Variants in CLCN5 observed in about 807,000 individuals in gnomAD.
The protein encoded by CLCN5 is H(+)/Cl(-) exchange transporter 5.
A neutral mutation model predicts 54.0 loss-of-function variants in CLCN5; 17 were observed. That is an observed-to-expected ratio of 0.31 (90% CI 0.22 to 0.47). The LOEUF is 0.47. Among genes scored for constraint, CLCN5 ranks in the 20% least tolerant of loss-of-function variants. The pLI, the probability that CLCN5 is intolerant of heterozygous loss-of-function variation, is 1.00. For missense variants in CLCN5, 448 were observed against 646.7 expected (o/e 0.69, Z 3.33); for synonymous variants, 222 against 233.0 (o/e 0.95, Z 0.43).
intron 3 of CLCN5, among the ~76,000 whole-genome samples, chrX:50,002,582 C>A (rs1329276988): frequency 9.0e-6 from 1 of 111,206 alleles, no homozygotes; most frequent in Non-Finnish European, 1.9e-5. Context: ...CCACACTAAT[C>A]CAGCTTTTCC....
chrX:50,075,060 G>GTA (rs1485094680), intron 6 of CLCN5, among the ~76,000 whole-genome samples: 2 of 111,868 alleles, frequency 1.8e-5, no homozygotes, highest in African/African-American at 6.5e-5. Context: ...AATGTTCTGT[G>GTA]TATAATACTG....
intron 3 of CLCN5, 114 bp from the exon 4 acceptor site, chrX:50,042,202 A>G: frequency 3.0e-6 from 1 of 334,461 alleles, no homozygotes; most frequent in Non-Finnish European, 5.3e-6. Flanking sequence ...TGCACATAGT[A>G]AGTGTACTCA....
At chrX:50,042,668 C>T (rs1422002196) in intron 4 of CLCN5, 5 of 268,094 alleles carry the variant, frequency 1.9e-5, no homozygotes, top group African/African-American at 2.8e-5. Context: ...TGCAGTCAGA[C>T]CTCCTTCCTC....
chrX:50,005,782 G>A (rs1557181328), intron 3 of CLCN5, among the ~76,000 whole-genome samples: 2 of 111,198 alleles, frequency 1.8e-5, no homozygotes, highest in African/African-American at 6.5e-5. Flanking sequence ...TGAAAAAAAT[G>A]TACAAAGCTC....
At chrX:50,070,608 T>C (rs1933187792) in intron 5 of CLCN5, among the ~76,000 whole-genome samples, 1 of 112,373 alleles carries the variant, frequency 8.9e-6, no homozygotes. Context: ...CTTGTGATTA[T>C]TGATCTTGTA....
chrX:49,959,520 G>A (rs1178885710), intron 3 of CLCN5, among the ~76,000 whole-genome samples: 1 of 111,193 alleles, frequency 9.0e-6, no homozygotes, highest in Non-Finnish European at 1.9e-5. Context: ...TTTTTTTCCA[G>A]AACTCTTTCC....
intron 14 of CLCN5, among the ~76,000 whole-genome samples, 191 bp downstream of exon 14, chrX:50,091,077 CAT>C (rs1352065880): frequency 9.0e-6 from 1 of 111,698 alleles, no homozygotes; most frequent in Non-Finnish European, 1.9e-5. Flanking sequence ...TGGGAAAGAA[CAT>C]GTGTTTGAGA....
At chrX:50,034,246 G>T (rs1001453200) in intron 3 of CLCN5, among the ~76,000 whole-genome samples, 1 of 112,328 alleles carries the variant, frequency 8.9e-6, no homozygotes. Context: ...CAGTAACTCT[G>T]TCCTTGAGTA....
At chrX:50,047,373 T>G (rs2147486264) in intron 4 of CLCN5, among the ~76,000 whole-genome samples, 1 of 111,081 alleles carries the variant, frequency 9.0e-6, no homozygotes, top group Non-Finnish European at 1.9e-5. Context: ...TGTTGCCTTT[T>G]GAACTTAAAA....
At chrX:50,006,334 A>G (rs973488782) in intron 3 of CLCN5, among the ~76,000 whole-genome samples, 4 of 112,168 alleles carry the variant, frequency 3.6e-5, no homozygotes, top group Non-Finnish European at 7.5e-5. Context: ...AATCTGTAGC[A>G]TCCGCATGCA....
chrX:49,929,095 C>T (rs781923988), intron 3 of CLCN5, among the ~76,000 whole-genome samples: 2 of 111,648 alleles, frequency 1.8e-5, no homozygotes, highest in Admixed American at 9.5e-5. Flanking sequence ...AGTCTGTTCT[C>T]AGCTCAAGGA....
At chrX:50,002,681 C>CTCTCTGTG (rs782412410) in intron 3 of CLCN5, among the ~76,000 whole-genome samples, 1 of 94,764 alleles carries the variant, frequency 1.1e-5, no homozygotes, top group African/African-American at 4.2e-5. Context: ...CTCTCTCTCT[C>CTCTCTGTG]TGTGTGTGTG....
rs1557196030 is a variant in CLCN5, at chrX:50,098,513, G to C, written c.*6294G>C. The C allele has an allele frequency of 2.7e-5, 3 of 113,205 alleles. No individual in the cohort carries two copies. 9.3% of individuals were successfully genotyped at this position (113,205 alleles called of 1,213,427 possible). On this transcript the variant is annotated 3_prime_UTR_variant, in exon 15 of 15. Coordinates refer to ENST00000376091, the MANE Select transcript of CLCN5 (RefSeq NM_001127898.4). ...TTCTCTGTAGTAAGCTCTTTGTAGG[G>C]CTGGCTCCAACTGCAGTAGCCAAAG...
chrX:49,960,085 G>T (rs1557174425), intron 3 of CLCN5, among the ~76,000 whole-genome samples: 1 of 110,867 alleles, frequency 9.0e-6, no homozygotes, highest in Non-Finnish European at 1.9e-5. Flanking sequence ...CTCCCAGGAA[G>T]TTTTCTAGCC....
chrX:50,056,251 T>C (rs1297878238), intron 4 of CLCN5, among the ~76,000 whole-genome samples: 1 of 110,592 alleles, frequency 9.0e-6, no homozygotes, highest in Non-Finnish European at 1.9e-5. Flanking sequence ...ACAGAAGAAC[T>C]GGAGAATTGC....
chrX:50,057,409 T>C (rs1232469510), intron 4 of CLCN5, among the ~76,000 whole-genome samples: 1 of 77,419 alleles, frequency 1.3e-5, no homozygotes, highest in African/African-American at 4.9e-5. Context: ...CTCTCCTGGA[T>C]AGATACTATC....
intron 2 of CLCN5, among the ~76,000 whole-genome samples, chrX:49,924,882 G>C (rs1266371515): frequency 8.9e-6 from 1 of 112,117 alleles, no homozygotes; most frequent in Non-Finnish European, 1.9e-5. Flanking sequence ...CTTCAAGGTA[G>C]GAAAGGTGCT....
intron 3 of CLCN5, among the ~76,000 whole-genome samples, chrX:50,005,398 A>T (rs1930102558): frequency 9.0e-6 from 1 of 111,730 alleles, no homozygotes; most frequent in Non-Finnish European, 1.9e-5. Flanking sequence ...AAATGATGAT[A>T]TTCTAATCCC....
At chrX:49,964,156 A>G (rs971957177) in intron 3 of CLCN5, among the ~76,000 whole-genome samples, 4 of 112,201 alleles carry the variant, frequency 3.6e-5, no homozygotes, top group Non-Finnish European at 7.5e-5. Flanking sequence ...CTTCTAAGAT[A>G]TGTTCTTCAG....
Sources: gnomAD v4.1 joint callset for allele counts (sites outside exome capture counted in the v4.1 genomes callset) on GRCh38, gnomAD v4.1.1 for gene constraint, MANE v1.5 for transcripts, NCBI Gene and HGNC (gene_info 2026-07-23, HGNC 2026-07-21) for gene names.